CIT: variants seen among roughly 807,000 people sequenced by gnomAD.
CIT encodes the protein citron Rho-interacting kinase.
Under a neutral mutation model 272.7 loss-of-function variants are expected in CIT, and 79 were observed. That is an observed-to-expected ratio of 0.29 (90% CI 0.24 to 0.35). The LOEUF (loss-of-function observed/expected upper bound fraction) is 0.35. Ranked by LOEUF, CIT falls within the 10% of genes least tolerant of loss-of-function variation. CIT has a pLI of 1.00. For synonymous variants in CIT, 948 were observed against 995.6 expected (o/e 0.95, Z 0.90); for missense variants, 1,909 against 2,618.3 (o/e 0.73, Z 5.91).
At chr12:119,787,482 A>G (rs796465069) in intron 10 of CIT, among the ~76,000 whole-genome samples, 3 of 151,662 alleles carry the variant, frequency 2.0e-5, no homozygotes, top group African/African-American at 7.3e-5. Context: ...CTGTAATCTC[A>G]GCACTTTGGG....
intron 16 of CIT, among the ~76,000 whole-genome samples, chr12:119,775,064 G>A (rs909180626): frequency 7.9e-5 from 12 of 152,172 alleles, no homozygotes; most frequent in African/African-American, 2.9e-4. Context: ...CCTGAGGTCA[G>A]GAGTTCGAGA....
chr12:119,806,377 C>A (rs1966607535), intron 9 of CIT, among the ~76,000 whole-genome samples: 1 of 151,964 alleles, frequency 6.6e-6, no homozygotes, highest in African/African-American at 2.4e-5. Flanking sequence ...ATTCTGCCAC[C>A]CAGAAAGTGA....
chr12:119,825,393 T>C (rs759814745), intron 7 of CIT, 25 bp from the exon 8 acceptor site: 2 of 1,603,462 alleles, frequency 1.2e-6, no homozygotes, highest in East Asian at 2.2e-5. Flanking sequence ...ATAAAACGAA[T>C]ACAGCAAACT....
At chr12:119,868,341 T>A (rs1288802385) in intron 3 of CIT, among the ~76,000 whole-genome samples, 1 of 152,202 alleles carries the variant, frequency 6.6e-6, no homozygotes, top group Non-Finnish European at 1.5e-5. Context: ...AAAATTTAAT[T>A]CAGTTAATTA....
At chr12:119,837,769 G>T (rs182795001) in intron 5 of CIT, among the ~76,000 whole-genome samples, 16 of 152,168 alleles carry the variant, frequency 1.1e-4, no homozygotes, top group Admixed American at 4.6e-4. Flanking sequence ...CACCAGAAGT[G>T]CTTGTTAAAA....
intron 18 of CIT, among the ~76,000 whole-genome samples, chr12:119,767,385 T>A (rs1042549186): frequency 1.3e-5 from 2 of 152,176 alleles, no homozygotes; most frequent in Non-Finnish European, 2.9e-5. Context: ...CGCACACACA[T>A]ACACACATAG....
chr12:119,851,630 A>G (rs957471076), intron 4 of CIT, among the ~76,000 whole-genome samples: 2 of 152,288 alleles, frequency 1.3e-5, no homozygotes, highest in Non-Finnish European at 1.5e-5. Context: ...TTAAGTATAA[A>G]ACTAGTGACA....
chr12:119,772,889 C>T lies in CIT; in HGVS notation c.1963G>A (p.Ala655Thr). The change falls in exon 17 of 48, where the codon GCC (alanine) becomes ACC (threonine). Residue 655 changes from alanine (A) to threonine (T), a missense_variant. Around this residue, in one of 8 missense-constraint regions of CIT, gnomAD observed 530 missense variants for 822.4 expected, o/e 0.64. Transcript: ENST00000392521. ...CGGATATTCTGCAGCAGCTCGGTGG[C>T]CTCCGTGCTGGCTTTTACAGCCTAG... ...LEKAVKASTE[A>T]TELLQNIRQA... is the part of the protein sequence containing the mutation. 1 of 1,613,768 alleles carries T rather than the reference C, an allele frequency of 6.2e-7. No individual in the cohort carries two copies. The highest frequency in any genetic ancestry group is 8.5e-7 in the Non-Finnish European group (1 of 1,179,902).
intron 9 of CIT, among the ~76,000 whole-genome samples, chr12:119,815,274 G>A (rs1346416870): frequency 6.6e-6 from 1 of 151,288 alleles, no homozygotes. Flanking sequence ...TTTCATTTGA[G>A]AAGAGCACTG....
intron 32 of CIT, among the ~76,000 whole-genome samples, chr12:119,716,960 G>C (rs1435526901): frequency 1.3e-5 from 2 of 152,186 alleles, no homozygotes; most frequent in African/African-American, 4.8e-5. Context: ...CTCTAAGATA[G>C]CACTTTAATG....
chr12:119,845,924 C>T (rs1593936825), intron 5 of CIT, among the ~76,000 whole-genome samples: 1 of 148,706 alleles, frequency 6.7e-6, no homozygotes, highest in Admixed American at 6.8e-5. Flanking sequence ...CTGGGCAACA[C>T]GGCAAGACTC....
chr12:119,711,466 G>C (rs1957155375), intron 37 of CIT, among the ~76,000 whole-genome samples: 1 of 152,134 alleles, frequency 6.6e-6, no homozygotes, highest in Non-Finnish European at 1.5e-5. Context: ...TTCCTGGAGG[G>C]GACACAGCTG....
Position 119,730,567 on chromosome 12 carries a change from G to A in CIT, c.3414C>T (p.His1138=), listed in dbSNP as rs1245036001. Reference sequence around the variant, plus strand: ...GCTGCAGAGCGAGAATCTCAGCCTTGTGCTCCTTCACTGCCAGCTCCACCA... The same window carrying A: ...GCTGCAGAGCGAGAATCTCAGCCTTATGCTCCTTCACTGCCAGCTCCACCA... ...RQVVELAVKE[H]KAEILALQQA... Residue 1138 remains histidine, a synonymous_variant, in exon 27 of 48, where the codon CAC becomes CAT. Coordinates refer to ENST00000392521, the MANE Select transcript of CIT (RefSeq NM_001206999.2). The A allele has an allele frequency of 6.2e-7, 1 of 1,614,140 alleles. No homozygotes were observed. Among genetic ancestry groups the A allele is most frequent in the South Asian group, 1.1e-5 (1 of 91,068 alleles).
chr12:119,815,030 T>C (rs1967021036), intron 9 of CIT, among the ~76,000 whole-genome samples: 1 of 136,698 alleles, frequency 7.3e-6, no homozygotes, highest in African/African-American at 2.8e-5. Context: ...AGAGGAAGAC[T>C]CTGTCTCAAA....
intron 20 of CIT, among the ~76,000 whole-genome samples, chr12:119,759,090 G>C (rs943329398): frequency 6.6e-6 from 1 of 152,166 alleles, no homozygotes; most frequent in African/African-American, 2.4e-5. Flanking sequence ...CATTTTCTGA[G>C]TGATTCCTTC....
chr12:119,751,785 T>C (rs951172003), intron 23 of CIT, among the ~76,000 whole-genome samples: 3 of 152,134 alleles, frequency 2.0e-5, no homozygotes, highest in African/African-American at 7.2e-5. Context: ...ATAATGATGA[T>C]TTTTTCAAAA....
chr12:119,689,709 GCT>G (rs1357343932), intron 47 of CIT, among the ~76,000 whole-genome samples: 5 of 109,534 alleles, frequency 4.6e-5, no homozygotes, highest in Non-Finnish European at 8.4e-5. Flanking sequence ...ACAGAGTCTC[GCT>G]CTGTCACCCA....
At chr12:119,792,753 G>A (rs1353684444) in intron 10 of CIT, among the ~76,000 whole-genome samples, 6 of 152,150 alleles carry the variant, frequency 3.9e-5, no homozygotes, top group East Asian at 1.9e-4. Context: ...GATTACAGGC[G>A]TGGGCCACCA....
intron 10 of CIT, among the ~76,000 whole-genome samples, chr12:119,794,300 A>AATG (rs1965549929): frequency 2.0e-5 from 3 of 147,452 alleles, no homozygotes; most frequent in African/African-American, 8.0e-5. Flanking sequence ...ATGAATGAAT[A>AATG]AATAAGTGAA....
Sources: gnomAD v4.1 joint callset for allele counts (sites outside exome capture counted in the v4.1 genomes callset) on GRCh38, gnomAD v4.1.1 for gene constraint, gnomAD v4.1.1 regional missense constraint, MANE v1.5 for transcripts, NCBI Gene and HGNC (gene_info 2026-07-23, HGNC 2026-07-21) for gene names.